Variants in PHF10 observed in about 807,000 individuals in gnomAD.
The protein encoded by PHF10 is PHD finger protein 10, also known as BRG1-associated factor 45a.
A neutral mutation model predicts 68.5 loss-of-function variants in PHF10; 51 were observed. The ratio of observed to expected loss-of-function variants is 0.74; its 90% CI spans 0.59 to 0.94. The LOEUF (loss-of-function observed/expected upper bound fraction) is 0.94, where lower values mean the gene tolerates loss of function less well. Ranked by LOEUF, PHF10 falls within the 40% of genes least tolerant of loss-of-function variation. PHF10 has a pLI of 0.00. For synonymous variants in PHF10, 204 were observed against 203.5 expected (o/e 1.00, Z -0.02); for missense variants, 460 against 602.6 (o/e 0.76, Z 2.48).
intron 1 of PHF10, among the ~76,000 whole-genome samples, chr6:169,721,426 GA>G (rs1359713852): frequency 6.6e-6 from 1 of 151,948 alleles, no homozygotes; most frequent in African/African-American, 2.4e-5. Context: ...AGCTCAGGGG[GA>G]AAAAAATGTA....
chr6:169,721,471 C>T (rs934597866), intron 1 of PHF10, among the ~76,000 whole-genome samples: 2 of 152,130 alleles, frequency 1.3e-5, no homozygotes, highest in African/African-American at 2.4e-5. Context: ...CAACTTGAAG[C>T]CGGTTCATAG....
chr6:169,722,609 G>GATGC (rs757241335), intron 1 of PHF10, among the ~76,000 whole-genome samples: 8 of 152,218 alleles, frequency 5.3e-5, no homozygotes, highest in Non-Finnish European at 1.2e-4. Context: ...TATATAAAGT[G>GATGC]AGCATCTGGG....
Position 169,723,864 on chromosome 6 carries a change from G to C in PHF10, c.68C>G (p.Pro23Arg). ...PRPCDSDPAT[P>R]GAQSPKDDNE... ...CCTCACCTTCGGGGACTGCGCTCCG[G>C]GGGTGGCTGGGTCGCTGTCGCACGG... The change falls in exon 1 of 12, where the codon CCC becomes CGC. Residue 23 changes from proline to arginine, a missense_variant. Physicochemically the swap from Pro to Arg is moderately radical, Grantham distance 103 (BLOSUM62 -2). This residue lies in a region of PHF10 where 93 missense variants were observed against 82.4 expected (regional missense o/e 1.13). Coordinates refer to ENST00000339209, the MANE Select transcript of PHF10 (RefSeq NM_018288.4). The C allele has an allele frequency of 9.1e-7, 1 of 1,096,624 alleles. No individual in the cohort carries two copies. The highest frequency in any genetic ancestry group is 1.1e-6 in the Non-Finnish European group (1 of 895,044). 67.9% of individuals were successfully genotyped at this position (1,096,624 alleles called of 1,614,324 possible).
intron 1 of PHF10, among the ~76,000 whole-genome samples, chr6:169,722,441 A>G (rs1490461694): frequency 6.6e-6 from 1 of 152,212 alleles, no homozygotes; most frequent in African/African-American, 2.4e-5. Flanking sequence ...GGATTTTTAT[A>G]TCCTTAAACT....
In PHF10 at chr6:169,721,044, T is replaced by G; in HGVS notation, c.155A>C (p.Asp52Ala). The G allele has an allele frequency of 6.5e-7, 1 of 1,547,160 alleles. No individual in the cohort carries two copies. The highest frequency in any genetic ancestry group is 1.2e-5 in the South Asian group (1 of 83,820). The change falls in exon 2 of 12, where the codon GAT becomes GCT. Residue 52 changes from aspartate to alanine, a missense_variant. Coordinates refer to ENST00000339209, the MANE Select transcript of PHF10 (RefSeq NM_018288.4). Reference sequence around the variant, plus strand: ...TGAAGTTTCACAACTCCTAGAACTATCTCCTGAGCCCATTCGCCTCCTTTT... The same window carrying G: ...TGAAGTTTCACAACTCCTAGAACTAGCTCCTGAGCCCATTCGCCTCCTTTT... ...PSKRRRMGSGDSSRSCETSSQ... is the reference protein window; with the variant it reads ...PSKRRRMGSGASSRSCETSSQ...
In PHF10 at chr6:169,704,061, C is replaced by T. The variant is rs766380847; in HGVS notation, c.1439G>A (p.Arg480Gln). ...SGRWICDCCQ[R>Q]APPTPRKVGR... Reference sequence around the variant, plus strand: ...CACTTTCCTGGGTGTTGGGGGGGCCCGCTGACAACAGTCACAAATCCAGCG... The same window carrying T: ...CACTTTCCTGGGTGTTGGGGGGGCCTGCTGACAACAGTCACAAATCCAGCG... Residue 480 changes from arginine (R) to glutamine (Q), a missense_variant, in exon 12 of 12, where the codon CGG (arginine) becomes CAG (glutamine). Arg to Gln is a conservative substitution (Grantham distance 43). This residue lies in a region of PHF10 where 111 missense variants were observed against 109.7 expected (regional missense o/e 1.01). Transcript: ENST00000339209. 28 of 1,580,998 alleles carry T rather than the reference C, an allele frequency of 1.8e-5. No homozygotes were observed. The highest frequency in any genetic ancestry group is 4.0e-5 in the Admixed American group (2 of 49,484).
intron 1 of PHF10, among the ~76,000 whole-genome samples, chr6:169,722,024 ATTCTCTGTGAGCATC>A (rs1470613932): frequency 6.6e-6 from 1 of 152,206 alleles, no homozygotes; most frequent in East Asian, 1.9e-4. Context: ...TGAGTAGGTT[ATTCTCTGTGAGCATC>A]TCCTTATCCG....
intron 4 of PHF10, 67 bp downstream of exon 4, chr6:169,717,755 AG>A: frequency 1.5e-6 from 1 of 650,898 alleles, no homozygotes; most frequent in Non-Finnish European, 2.7e-6. Flanking sequence ...TTAGGAAATA[AG>A]ATACTTATCT....
intron 1 of PHF10, 125 bp downstream of exon 1, chr6:169,723,720 G>T (rs906180524): frequency 3.7e-5 from 10 of 267,372 alleles, no homozygotes; most frequent in Non-Finnish European, 5.5e-5. Context: ...CCGGTCTCAG[G>T]CGCGGCGCCC....
chr6:169,723,376 C>T lies in PHF10; in HGVS notation c.87+469G>A, dbSNP rs1002425136. ...AAACATCCGGACGCTTGCGTATTAA[C>T]TTAGTTATTACAGTAAGTTCACTGA... On this transcript the variant is annotated intron_variant, in intron 1 of 11. Coordinates refer to ENST00000339209, the MANE Select transcript of PHF10 (RefSeq NM_018288.4). Among the ~76,000 whole-genome samples, 5 of 152,192 alleles carry T rather than the reference C, an allele frequency of 3.3e-5. No individual in the cohort carries two copies. The East Asian group carries it at 7.7e-4, about 23-fold the overall frequency.
chr6:169,715,888 A>C, intron 5 of PHF10, 31 bp from the exon 6 acceptor site: 1 of 1,600,104 alleles, frequency 6.2e-7, no homozygotes, highest in Non-Finnish European at 8.5e-7. Flanking sequence ...TGGAAGTCAC[A>C]TATAACTTTC....
chr6:169,722,997 C>T (rs532551716), intron 1 of PHF10, among the ~76,000 whole-genome samples: 14 of 152,324 alleles, frequency 9.2e-5, no homozygotes, highest in African/African-American at 3.1e-4. Flanking sequence ...ATGAGTCTCA[C>T]AGCACGGTGG....
At chr6:169,723,707 C>A (rs559515243) in intron 1 of PHF10, 138 bp downstream of exon 1, 3 of 251,996 alleles carry the variant, frequency 1.2e-5, no homozygotes, top group Non-Finnish European at 2.0e-5. Context: ...TCGCCGACCA[C>A]CCCCGGTCTC....
At chr6:169,721,737 G>A (rs1265227178) in intron 1 of PHF10, among the ~76,000 whole-genome samples, 1 of 151,932 alleles carries the variant, frequency 6.6e-6, no homozygotes, top group Non-Finnish European at 1.5e-5. Context: ...AGAACATCAA[G>A]GTTATAAATT....
At chr6:169,721,444 A>G (rs1789175324) in intron 1 of PHF10, among the ~76,000 whole-genome samples, 1 of 152,214 alleles carries the variant, frequency 6.6e-6, no homozygotes, top group Non-Finnish European at 1.5e-5. Flanking sequence ...TGTATGGATC[A>G]TTTACAGTTC....
chr6:169,714,895 C>A, intron 6 of PHF10, 53 bp from the exon 7 acceptor site: 4 of 961,296 alleles, frequency 4.2e-6, no homozygotes, highest in South Asian at 1.3e-5. Context: ...AGAATCAAGG[C>A]TTTAGGAAGA....
At chr6:169,706,685 G>A (rs1261287411) in intron 9 of PHF10, among the ~76,000 whole-genome samples, 2 of 150,454 alleles carry the variant, frequency 1.3e-5, no homozygotes, top group Non-Finnish European at 3.0e-5. Context: ...GAGCAAGCAT[G>A]GGCCAAGAAT....
chr6:169,713,904 A>G (rs1788984542), intron 7 of PHF10, among the ~76,000 whole-genome samples: 1 of 152,174 alleles, frequency 6.6e-6, no homozygotes, highest in Non-Finnish European at 1.5e-5. Flanking sequence ...TGGGCGGATC[A>G]CTAGGTCAAG....
intron 1 of PHF10, among the ~76,000 whole-genome samples, chr6:169,722,031 G>A (rs1265146169): frequency 6.6e-6 from 1 of 152,180 alleles, no homozygotes; most frequent in African/African-American, 2.4e-5. Context: ...GTTATTCTCT[G>A]TGAGCATCTC....
Sources: allele counts gnomAD v4.1 joint callset (sites outside exome capture counted in the v4.1 genomes callset), GRCh38; gene constraint gnomAD v4.1.1; regional missense constraint gnomAD v4.1.1; transcripts MANE v1.5; gene names NCBI Gene and HGNC (gene_info 2026-07-23, HGNC 2026-07-21).